NYAP2: variants seen among roughly 807,000 people sequenced by gnomAD.
NYAP2 encodes the protein neuronal tyrosine-phosphorylated phosphoinositide-3-kinase adaptor 2.
A neutral mutation model predicts 50.4 loss-of-function variants in NYAP2; 23 were observed. That is an observed-to-expected ratio of 0.46 (90% CI 0.33 to 0.65). The LOEUF (loss-of-function observed/expected upper bound fraction) is 0.65, where lower values mean the gene tolerates loss of function less well. NYAP2 is among the 30% of genes least tolerant of loss of function. The pLI, the probability that NYAP2 is intolerant of heterozygous loss-of-function variation, is 0.02. For missense variants in NYAP2, 885 were observed against 861.0 expected (o/e 1.03, Z -0.35); for synonymous variants, 394 against 365.2 (o/e 1.08, Z -0.90).
the NYAP2 span, among the ~76,000 whole-genome samples, chr2:225,672,869 A>G: frequency 1.3e-5 from 2 of 152,096 alleles, no homozygotes; most frequent in African/African-American, 4.8e-5. Flanking sequence ...TAATTGATTA[A>G]GTTTGCCATC....
chr2:225,615,041 G>A (rs1692964334), intron 5 of NYAP2, among the ~76,000 whole-genome samples: 1 of 152,114 alleles, frequency 6.6e-6, no homozygotes, highest in African/African-American at 2.4e-5. Flanking sequence ...GCAGAAGAAA[G>A]CAAAAGGACA....
the NYAP2 span, among the ~76,000 whole-genome samples, chr2:225,664,114 A>C: frequency 6.6e-6 from 1 of 152,242 alleles, no homozygotes; most frequent in Non-Finnish European, 1.5e-5. Context: ...ATTACACAGT[A>C]AAGCAGTGTG....
chr2:225,561,441 G>A (rs1209274369), intron 4 of NYAP2, among the ~76,000 whole-genome samples: 3 of 152,084 alleles, frequency 2.0e-5, no homozygotes, highest in African/African-American at 4.8e-5. Context: ...GGACGGGCAA[G>A]GGTTAGTCAA....
At chr2:225,424,502 C>G (rs1269699345) in intron 3 of NYAP2, among the ~76,000 whole-genome samples, 1 of 151,562 alleles carries the variant, frequency 6.6e-6, no homozygotes, top group Non-Finnish European at 1.5e-5. Context: ...CCTAAAGTCC[C>G]AGAGTTATGA....
At chr2:225,552,643 T>C (rs1311662129) in intron 4 of NYAP2, among the ~76,000 whole-genome samples, 1 of 152,186 alleles carries the variant, frequency 6.6e-6, no homozygotes, top group Non-Finnish European at 1.5e-5. Flanking sequence ...GCTGGAACCC[T>C]GATTTCAGGC....
At chr2:225,531,599 T>C (rs559492471) in intron 4 of NYAP2, among the ~76,000 whole-genome samples, 3 of 152,210 alleles carry the variant, frequency 2.0e-5, no homozygotes, top group Non-Finnish European at 4.4e-5. Flanking sequence ...ATAATGTATG[T>C]TTTCATAAAT....
chr2:225,558,035 G>A (rs370400832), intron 4 of NYAP2, among the ~76,000 whole-genome samples: 1 of 152,156 alleles, frequency 6.6e-6, no homozygotes, highest in Non-Finnish European at 1.5e-5. Flanking sequence ...TGCTCTGCCT[G>A]TGTACTGCTT....
At chr2:225,456,272 C>T (rs1417141676) in intron 3 of NYAP2, among the ~76,000 whole-genome samples, 3 of 152,158 alleles carry the variant, frequency 2.0e-5, no homozygotes, top group African/African-American at 4.8e-5. Context: ...CCTGATGAAA[C>T]ATTTGACACT....
intron 4 of NYAP2, among the ~76,000 whole-genome samples, chr2:225,579,079 CAGAGAGAAGAGAGGGGAGAG>C (rs1384204350): frequency 1.3e-5 from 2 of 150,010 alleles, no homozygotes; most frequent in East Asian, 3.9e-4. Flanking sequence ...CATGAAGAGA[CAGAGAGAAGAGAGGGGAGAG>C]AGAGAGAGAG....
At chr2:225,426,464 C>T (rs958038997) in intron 3 of NYAP2, among the ~76,000 whole-genome samples, 1 of 152,184 alleles carries the variant, frequency 6.6e-6, no homozygotes, top group African/African-American at 2.4e-5. Flanking sequence ...TCGCTTTGCT[C>T]ATCCACTGCA....
chr2:225,495,073 T>C (rs1327854999), intron 3 of NYAP2, among the ~76,000 whole-genome samples: 1 of 152,202 alleles, frequency 6.6e-6, no homozygotes, highest in Admixed American at 6.5e-5. Flanking sequence ...ACATGTGTGC[T>C]TATTTTAATA....
At chr2:225,542,377 C>A (rs1051692045) in intron 4 of NYAP2, among the ~76,000 whole-genome samples, 4 of 152,000 alleles carry the variant, frequency 2.6e-5, no homozygotes, top group African/African-American at 9.7e-5. Flanking sequence ...TTAGATTGTC[C>A]CCATTCAGTA....
Position 225,513,611 on chromosome 2 carries a change from A to G in NYAP2, c.462A>G (p.Ser154=), listed in dbSNP as rs113005393. ...ACCCCAGCACCAAGCTGAGCACCTC[A>G]TCAGAGACAGTCAGCAGCACTGCAG... is the stretch of plus-strand genomic sequence containing the variant. The change falls in exon 4 of 7, where the codon TCA becomes TCG. Residue 154 remains serine (S), a synonymous_variant. Transcript: ENST00000636099. 5 of 1,560,948 alleles carry G rather than the reference A, an allele frequency of 3.2e-6. No individual in the cohort carries two copies. In the African/African-American group the frequency reaches 4.1e-5, roughly 13 times the overall value.
chr2:225,565,061 GC>G, intron 4 of NYAP2, among the ~76,000 whole-genome samples: 1 of 151,654 alleles, frequency 6.6e-6, no homozygotes, highest in Non-Finnish European at 1.5e-5. Context: ...ACCTTGTGGG[GC>G]AGAGGTTGCA....
At chr2:225,552,163 T>C (rs1431376424) in intron 4 of NYAP2, among the ~76,000 whole-genome samples, 1 of 152,180 alleles carries the variant, frequency 6.6e-6, no homozygotes, top group African/African-American at 2.4e-5. Context: ...ATTTGTCCAA[T>C]TTCATGGAGC....
chr2:225,580,157 T>C (rs1692246666), intron 4 of NYAP2, among the ~76,000 whole-genome samples: 1 of 152,222 alleles, frequency 6.6e-6, no homozygotes, highest in South Asian at 2.1e-4. Context: ...TCCAGAAGAA[T>C]AGTCTGGATG....
chr2:225,513,807 A>G (rs1455085472), intron 4 of NYAP2, 135 bp downstream of exon 4: 2 of 568,158 alleles, frequency 3.5e-6, no homozygotes, highest in Non-Finnish European at 5.5e-6. Flanking sequence ...AGAAAAGAAG[A>G]ATTGAGGGGA....
intron 5 of NYAP2, 59 bp from the exon 6 acceptor site, chr2:225,626,858 A>G: frequency 7.6e-7 from 1 of 1,307,824 alleles, no homozygotes; most frequent in South Asian, 1.3e-5. Context: ...ATTTTTTGAA[A>G]GTAATTTAGG....
the NYAP2 span, among the ~76,000 whole-genome samples, chr2:225,685,945 A>C: frequency 6.6e-6 from 1 of 152,212 alleles, no homozygotes; most frequent in African/African-American, 2.4e-5. Context: ...GAATTAAGTT[A>C]CAAATCAAGT....
Sources: gnomAD v4.1 joint callset for allele counts (sites outside exome capture counted in the v4.1 genomes callset) on GRCh38, gnomAD v4.1.1 for gene constraint, MANE v1.5 for transcripts, NCBI Gene and HGNC (gene_info 2026-07-23, HGNC 2026-07-21) for gene names.